OLFML2B: variants seen among roughly 807,000 people sequenced by gnomAD.
OLFML2B encodes the protein olfactomedin-like protein 2B.
In OLFML2B, 57 loss-of-function variants were observed where a neutral mutation model predicts 74.9. That is an observed-to-expected ratio of 0.76 (90% CI 0.61 to 0.95). The LOEUF (loss-of-function observed/expected upper bound fraction) is 0.95, where lower values mean the gene tolerates loss of function less well. Ranked by LOEUF, OLFML2B falls within the 40% of genes least tolerant of loss-of-function variation. The pLI, the probability that OLFML2B is intolerant of heterozygous loss-of-function variation, is 0.00. For missense variants in OLFML2B, 986 were observed against 970.6 expected (o/e 1.02, Z -0.21); for synonymous variants, 388 against 405.8 (o/e 0.96, Z 0.53).
chr1:162,003,203 G>A (rs972859398), intron 4 of OLFML2B, among the ~76,000 whole-genome samples: 16 of 152,148 alleles, frequency 1.1e-4, no homozygotes, highest in Non-Finnish European at 5.9e-5. Flanking sequence ...CTAGTCCTCC[G>A]GGTCATGGTC....
chr1:162,005,092 T>C (rs60216859), intron 4 of OLFML2B, among the ~76,000 whole-genome samples: 11,384 of 152,302 alleles, frequency 0.075, 620 homozygotes, highest in African/African-American at 0.15. Context: ...CCTCTTCCTT[T>C]TGGATTATCT....
intron 3 of OLFML2B, among the ~76,000 whole-genome samples, chr1:162,014,993 C>T (rs1021282443): frequency 6.6e-6 from 1 of 152,196 alleles, no homozygotes; most frequent in Admixed American, 6.5e-5. Context: ...GACCAGGAAC[C>T]AGAAGGCCCT....
Position 162,000,184 on chromosome 1 carries a change from G to A in OLFML2B, c.878C>T (p.Pro293Leu), listed in dbSNP as rs1473111908. Reference sequence around the variant, plus strand: ...GTAGGTGATGCCCCGGATGACAGTGGGCTGGGAGGCCGGCCGGCCTCTCAG... The same window carrying A: ...GTAGGTGATGCCCCGGATGACAGTGAGCTGGGAGGCCGGCCGGCCTCTCAG... The part of the protein sequence containing the change: ...VHLRGRPASQ[P>L]TVIRGITYYK... Residue 293 changes from proline to leucine, a missense_variant, in exon 5 of 8, where the codon CCC (proline) becomes CTC (leucine). Coordinates refer to ENST00000294794, the MANE Select transcript of OLFML2B (RefSeq NM_015441.3). 1 of 1,613,826 alleles carries A rather than the reference G, an allele frequency of 6.2e-7. No homozygotes were observed. Among genetic ancestry groups the A allele is most frequent in the Non-Finnish European group, 8.5e-7 (1 of 1,179,842 alleles).
intron 4 of OLFML2B, among the ~76,000 whole-genome samples, chr1:162,003,168 C>G (rs933708001): frequency 2.0e-5 from 3 of 152,166 alleles, no homozygotes; most frequent in African/African-American, 7.2e-5. Context: ...AACTTGCCTG[C>G]CATCCAAAAA....
intron 1 of OLFML2B, 22 bp downstream of exon 1, chr1:162,023,235 G>A: frequency 6.7e-7 from 1 of 1,486,038 alleles, no homozygotes; most frequent in Non-Finnish European, 9.0e-7. Flanking sequence ...AAGAAGGGCG[G>A]TCGTGGCACT....
chr1:161,988,441 C>T (rs1689647527), intron 6 of OLFML2B, among the ~76,000 whole-genome samples: 1 of 152,118 alleles, frequency 6.6e-6, no homozygotes, highest in Admixed American at 6.5e-5. Flanking sequence ...GTCAGCAATG[C>T]CTCTCAGCCC....
Position 162,005,902 on chromosome 1 carries a change from CAA to C in OLFML2B, c.723+393_723+394del, listed in dbSNP as rs71093139. 3.5e-3 allele frequency among the ~76,000 whole-genome samples: 273 copies of C among 77,842 alleles called. 2 individuals carry two copies. Among genetic ancestry groups the C allele is most frequent in the East Asian group, 9.8e-3 (17 of 1,738 alleles). 51.1% of individuals were successfully genotyped at this position (77,842 alleles called of 152,430 possible). On this transcript the variant is annotated intron_variant, in intron 4 of 7. Coordinates refer to ENST00000294794, the MANE Select transcript of OLFML2B (RefSeq NM_015441.3). Reference sequence around the variant, plus strand: ...CCTTGGTGGCAGAGCTGGAACCTATCAAAAAAAAAAAAAAAAAAAAAAAAAAT... The same window carrying C: ...CCTTGGTGGCAGAGCTGGAACCTATCAAAAAAAAAAAAAAAAAAAAAAAAT...
intron 3 of OLFML2B, among the ~76,000 whole-genome samples, chr1:162,006,897 G>T (rs562403464): frequency 1.3e-5 from 2 of 152,088 alleles, no homozygotes; most frequent in South Asian, 4.2e-4. Context: ...GGCTTTCTAA[G>T]CAATTTTGGA....
chr1:162,006,452 T>C lies in OLFML2B; in HGVS notation c.568A>G (p.Lys190Glu), dbSNP rs143033666. The C allele has an allele frequency of 5.0e-6, 8 of 1,587,160 alleles. No homozygotes were observed. The African/African-American group carries it at 1.1e-4, about 22-fold the overall frequency. The change falls in exon 4 of 8, where the codon AAG becomes GAG. Residue 190 changes from lysine to glutamate, a missense_variant. Lys to Glu is a moderately conservative substitution (Grantham distance 56). Coordinates refer to ENST00000294794, the MANE Select transcript of OLFML2B (RefSeq NM_015441.3). ...LEEEVSKNLT[K>E]ENEQIKEDME... ...TCCTCTTTGATTTGTTCATTTTCCT[T>C]GGTGAGGTTTTTAGACACTTCCTGA... is the stretch of plus-strand genomic sequence containing the variant.
In OLFML2B at chr1:161,998,067, T is replaced by G; in HGVS notation, c.1232A>C (p.Gln411Pro). ...GGTGGCTGGTACCTGAGGAGAAGGC[T>G]GCAGGACTGACTCCCTTGTGGGATC... is the stretch of plus-strand genomic sequence containing the variant. ...SPDPTRESVL[Q>P]PSPQVPATTV... Residue 411 changes from glutamine to proline, a missense_variant, in exon 6 of 8, where the codon CAG (glutamine) becomes CCG (proline). By Grantham distance (76) the Gln-to-Pro change is moderately conservative. Transcript: ENST00000294794. 1 of 1,614,058 alleles carries G rather than the reference T, an allele frequency of 6.2e-7. No homozygotes were observed. Among genetic ancestry groups the G allele is most frequent in the Non-Finnish European group, 8.5e-7 (1 of 1,180,016 alleles).
At chr1:162,001,641 A>G (rs540555025) in intron 4 of OLFML2B, among the ~76,000 whole-genome samples, 43 of 152,338 alleles carry the variant, frequency 2.8e-4, no homozygotes, top group South Asian at 1.9e-3. Context: ...CAAGCTGAAC[A>G]CAAGTCCTAA....
intron 6 of OLFML2B, among the ~76,000 whole-genome samples, chr1:161,988,409 C>T (rs963199192): frequency 2.0e-5 from 3 of 152,176 alleles, no homozygotes; most frequent in African/African-American, 2.4e-5. Flanking sequence ...GGTCCTTGGG[C>T]GTCTGCTCCC....
intron 6 of OLFML2B, among the ~76,000 whole-genome samples, chr1:161,988,648 T>C (rs1267493448): frequency 6.8e-6 from 1 of 146,312 alleles, no homozygotes; most frequent in Admixed American, 7.1e-5. Context: ...TGGTCTGGCC[T>C]TCTCCAGCTC....
intron 4 of OLFML2B, among the ~76,000 whole-genome samples, chr1:162,000,845 G>A (rs1307420353): frequency 6.6e-6 from 1 of 152,154 alleles, no homozygotes; most frequent in Non-Finnish European, 1.5e-5. Flanking sequence ...GATGAAGCTT[G>A]TTACAGCAAT....
intron 6 of OLFML2B, among the ~76,000 whole-genome samples, chr1:161,993,080 A>G (rs904873080): frequency 7.9e-5 from 12 of 152,128 alleles, no homozygotes; most frequent in African/African-American, 2.9e-4. Flanking sequence ...CCATAAGGAG[A>G]GAGAGACAGA....
chr1:161,997,108 G>GT lies in OLFML2B; in HGVS notation c.1474+716_1474+717insA, dbSNP rs776009045. 1.2e-3 allele frequency among the ~76,000 whole-genome samples: 187 copies of GT among 152,266 alleles called. 1 individual carries two copies. The highest frequency in any genetic ancestry group is 1.8e-3 in the Non-Finnish European group (125 of 68,020). On this transcript the variant is annotated intron_variant, in intron 6 of 7. Coordinates refer to ENST00000294794, the MANE Select transcript of OLFML2B (RefSeq NM_015441.3). ...GGAGGCGGAGCTTGCAGTGAGCCAA[G>GT]ATTGCACCACTGCACTCCAGCCTGG...
Position 161,997,817 on chromosome 1 carries a change from G to T in OLFML2B, c.1474+8C>A. The T allele has an allele frequency of 1.9e-6, 3 of 1,605,980 alleles. No homozygotes were observed. The South Asian group carries it at 3.3e-5, about 18-fold the overall frequency. ...TCAGGAGACCAAGGCCAGGTACAAT[G>T]AACTTACCTATGACATTCCGGATGT... On this transcript the variant is annotated splice_region_variant and intron_variant, in intron 6 of 7. Coordinates refer to ENST00000294794, the MANE Select transcript of OLFML2B (RefSeq NM_015441.3).
intron 6 of OLFML2B, among the ~76,000 whole-genome samples, chr1:161,986,087 AG>A (rs1414150527): frequency 1.3e-5 from 2 of 152,138 alleles, no homozygotes; most frequent in African/African-American, 4.8e-5. Flanking sequence ...GGGCAGTGGA[AG>A]GGGGCAGTGA....
chr1:162,004,092 G>GACA (rs1690154912), intron 4 of OLFML2B, among the ~76,000 whole-genome samples: 1 of 152,208 alleles, frequency 6.6e-6, no homozygotes, highest in South Asian at 2.1e-4. Context: ...GTGTCATCAA[G>GACA]ACAACAGATG....
Sources: allele counts gnomAD v4.1 joint callset (sites outside exome capture counted in the v4.1 genomes callset), GRCh38; gene constraint gnomAD v4.1.1; transcripts MANE v1.5; gene names NCBI Gene and HGNC (gene_info 2026-07-23, HGNC 2026-07-21).